INSR: variants seen among roughly 807,000 people sequenced by gnomAD.
The protein encoded by INSR is insulin receptor, also known as IR.
A neutral mutation model predicts 142.6 loss-of-function variants in INSR; 67 were observed. The ratio of observed to expected loss-of-function variants is 0.47; its 90% CI spans 0.39 to 0.58. The LOEUF (loss-of-function observed/expected upper bound fraction) is 0.58. Among genes scored for constraint, INSR ranks in the 20% least tolerant of loss-of-function variants. The probability of loss-of-function intolerance (pLI) is 0.00; values close to 1 mark genes in which losing one functional copy is unlikely to be tolerated. For missense variants in INSR, 1,248 were observed against 1,833.2 expected (o/e 0.68, Z 5.83); for synonymous variants, 756 against 743.1 (o/e 1.02, Z -0.28).
intron 15 of INSR, among the ~76,000 whole-genome samples, chr19:7,127,806 C>A (rs952731080): frequency 6.6e-6 from 1 of 152,036 alleles, no homozygotes; most frequent in Non-Finnish European, 1.5e-5. Context: ...TGCAATGGTG[C>A]GATCTCGGCT....
At chr19:7,174,847 G>A in intron 3 of INSR, 116 bp from the exon 4 acceptor site, 1 of 1,084,856 alleles carries the variant, frequency 9.2e-7, no homozygotes, top group Non-Finnish European at 1.3e-6. Flanking sequence ...CTTTGTGTGT[G>A]TGTGTGTGTT....
At position 7,113,862 on chromosome 19, in the gene INSR, C is replaced by T. The variant is rs1019737019; in HGVS notation, c.*3194G>A. ...AAGGGGCAGGCCCAGCACACCCTAC[C>T]TTTCTCCAGGGCAGGTGGAGAAAGG... On this transcript the variant is annotated 3_prime_UTR_variant, in exon 22 of 22. Coordinates refer to ENST00000302850, the MANE Select transcript of INSR (RefSeq NM_000208.4). 11 of 152,030 alleles carry T rather than the reference C, an allele frequency of 7.2e-5. No homozygotes were observed. The highest frequency in any genetic ancestry group is 3.3e-4 in the Admixed American group (5 of 15,272). 9.4% of individuals were successfully genotyped at this position (152,030 alleles called of 1,614,324 possible).
chr19:7,153,337 C>CACAACCA (rs1568449880), intron 9 of INSR, among the ~76,000 whole-genome samples: 1 of 86,748 alleles, frequency 1.2e-5, no homozygotes, highest in Non-Finnish European at 2.0e-5. Flanking sequence ...CACACCCACG[C>CACAACCA]CACACACCAC....
chr19:7,249,795 A>C (rs1425867283), intron 2 of INSR, among the ~76,000 whole-genome samples: 1 of 152,184 alleles, frequency 6.6e-6, no homozygotes, highest in Admixed American at 6.6e-5. Context: ...GATCGAGACC[A>C]TCCTGGCTAA....
chr19:7,163,948 A>AAAAT (rs1411048837), intron 8 of INSR, among the ~76,000 whole-genome samples: 5 of 136,058 alleles, frequency 3.7e-5, no homozygotes, highest in African/African-American at 9.5e-5. Context: ...AAAAAAAAAA[A>AAAAT]ATTAGCTGGA....
At chr19:7,220,170 C>CA (rs557073635) in intron 2 of INSR, among the ~76,000 whole-genome samples, 1 of 152,324 alleles carries the variant, frequency 6.6e-6, no homozygotes, top group South Asian at 2.1e-4. Flanking sequence ...CTAACCCATG[C>CA]AAAATCTGGT....
intron 8 of INSR, among the ~76,000 whole-genome samples, chr19:7,164,671 AAAAAAT>A (rs1261651426): frequency 1.5e-5 from 2 of 137,582 alleles, no homozygotes; most frequent in Non-Finnish European, 3.2e-5. Flanking sequence ...AAAAAAAAAA[AAAAAAT>A]TCGCCAATCG....
intron 1 of INSR, among the ~76,000 whole-genome samples, chr19:7,285,870 C>T (rs1366554035): frequency 6.6e-6 from 1 of 152,276 alleles, no homozygotes; most frequent in East Asian, 1.9e-4. Flanking sequence ...AACAACGAGA[C>T]TGTTCTCTAT....
At chr19:7,174,839 T>G in intron 3 of INSR, 108 bp from the exon 4 acceptor site, 1 of 1,120,108 alleles carries the variant, frequency 8.9e-7, no homozygotes, top group African/African-American at 1.6e-5. Flanking sequence ...TGGTATTTCT[T>G]TGTGTGTGTG....
intron 2 of INSR, among the ~76,000 whole-genome samples, chr19:7,228,871 T>A (rs890936818): frequency 6.6e-6 from 1 of 151,852 alleles, no homozygotes; most frequent in Non-Finnish European, 1.5e-5. Context: ...GATGGATGAA[T>A]GAATAAGTGG....
At chr19:7,281,558 G>A (rs1361164453) in intron 1 of INSR, among the ~76,000 whole-genome samples, 1 of 152,032 alleles carries the variant, frequency 6.6e-6, no homozygotes, top group African/African-American at 2.4e-5. Flanking sequence ...GTGCATGCCT[G>A]TAGTCCCAGC....
intron 15 of INSR, among the ~76,000 whole-genome samples, chr19:7,127,329 A>C (rs1309409518): frequency 5.9e-5 from 9 of 152,362 alleles, no homozygotes. Flanking sequence ...CTAGTGAGCC[A>C]GTTGTTAAAT....
At chr19:7,128,267 CAAT>C (rs1449925870) in intron 15 of INSR, among the ~76,000 whole-genome samples, 1 of 151,198 alleles carries the variant, frequency 6.6e-6, no homozygotes, top group Non-Finnish European at 1.5e-5. Flanking sequence ...GGCTAGAATG[CAAT>C]GGTGCGATTT....
rs534554585 is a variant in INSR, at chr19:7,225,009, T to C, written c.653-40372A>G. ...ACAGACAGAGACAGAGAGGGGAGTA[T>C]CCCATTAAGGCAGCAGGGCAGCAGC... is the stretch of plus-strand genomic sequence containing the variant. On this transcript the variant is annotated intron_variant, in intron 2 of 21. Coordinates refer to ENST00000302850, the MANE Select transcript of INSR (RefSeq NM_000208.4). This position sits in a 1 kb window ranked among gnomAD's most constrained non-coding sequence, Gnocchi z 4.7. 6.6e-6 allele frequency among the ~76,000 whole-genome samples: 1 copy of C among 151,658 alleles called. No individual in the cohort carries two copies. Among genetic ancestry groups the C allele is most frequent in the Non-Finnish European group, 1.5e-5 (1 of 67,918 alleles).
chr19:7,153,039 C>CATACACAG, intron 9 of INSR, 112 bp from the exon 10 acceptor site: 1 of 368,442 alleles, frequency 2.7e-6, no homozygotes. Context: ...CACACACACA[C>CATACACAG]ACCACACACC....
chr19:7,198,339 A>G (rs1453057624), intron 2 of INSR, among the ~76,000 whole-genome samples: 1 of 151,954 alleles, frequency 6.6e-6, no homozygotes, highest in Non-Finnish European at 1.5e-5. Flanking sequence ...TCCCGGCCAG[A>G]GGAAAGGGCG....
At chr19:7,220,452 C>G (rs1975578168) in intron 2 of INSR, among the ~76,000 whole-genome samples, 1 of 152,138 alleles carries the variant, frequency 6.6e-6, no homozygotes. Context: ...CCACGCCTGG[C>G]TAATTTTTGT....
chr19:7,198,717 C>T (rs1241131220), intron 2 of INSR, among the ~76,000 whole-genome samples: 1 of 152,160 alleles, frequency 6.6e-6, no homozygotes, highest in Non-Finnish European at 1.5e-5. Context: ...ACCCAGAAAA[C>T]GAGAACCATA....
chr19:7,237,168 G>A (rs1363974124), intron 2 of INSR, among the ~76,000 whole-genome samples: 2 of 151,914 alleles, frequency 1.3e-5, no homozygotes, highest in Non-Finnish European at 2.9e-5. Context: ...AAATCACCAC[G>A]AAATAATTTA....
Sources: allele counts gnomAD v4.1 joint callset (sites outside exome capture counted in the v4.1 genomes callset), GRCh38; gene constraint gnomAD v4.1.1; non-coding constraint Gnocchi (gnomAD v3.1); transcripts MANE v1.5; gene names NCBI Gene and HGNC (gene_info 2026-07-23, HGNC 2026-07-21).